RPS6KA3: variants seen among roughly 807,000 people sequenced by gnomAD.
The protein encoded by RPS6KA3 is ribosomal protein S6 kinase A3, also known as ribosomal protein S6 kinase alpha-3.
In RPS6KA3, 4 loss-of-function variants were observed where a neutral mutation model predicts 67.2. That is an observed-to-expected ratio of 0.06 (90% CI 0.03 to 0.14). The LOEUF is 0.14. Ranked by LOEUF, RPS6KA3 falls within the 10% of genes least tolerant of loss-of-function variation. The pLI is 1.00. For missense variants in RPS6KA3, 204 were observed against 559.0 expected (o/e 0.36, Z 6.40); for synonymous variants, 182 against 183.7 (o/e 0.99, Z 0.07).
intron 2 of RPS6KA3, among the ~76,000 whole-genome samples, chrX:20,225,559 A>G (rs1389523067): frequency 1.8e-5 from 2 of 111,457 alleles, no homozygotes; most frequent in African/African-American, 3.3e-5. Flanking sequence ...CAATCAGTCA[A>G]TAAGTGTTAT....
At chrX:20,255,752 C>A (rs1243125350) in intron 1 of RPS6KA3, among the ~76,000 whole-genome samples, 8 of 69,269 alleles carry the variant, frequency 1.2e-4, no homozygotes, top group Non-Finnish European at 2.0e-4. Flanking sequence ...TGCACCACTG[C>A]ATACTCCAGC....
chrX:20,193,734 A>C (rs1267427263), intron 6 of RPS6KA3, 141 bp from the exon 7 acceptor site: 7 of 434,452 alleles, frequency 1.6e-5, no homozygotes, highest in African/African-American at 2.5e-5. Context: ...TTATTCGTGA[A>C]AGGAATAGCA....
intron 9 of RPS6KA3, 41 bp downstream of exon 9, chrX:20,187,787 A>T: frequency 9.7e-7 from 1 of 1,031,013 alleles, no homozygotes; most frequent in Non-Finnish European, 1.4e-6. Context: ...CTCACTTAAC[A>T]ATCTCCTTCC....
rs561346200 is a variant in RPS6KA3 at position 20,254,990 on chromosome X, T to A, written c.69+11574A>T. 5.3e-5 allele frequency among the ~76,000 whole-genome samples: 6 copies of A among 112,237 alleles called. No homozygotes were observed. The Admixed American group carries it at 5.6e-4, about 11-fold the overall frequency. On this transcript the variant is annotated intron_variant, in intron 1 of 21. Coordinates refer to ENST00000379565, the MANE Select transcript of RPS6KA3 (RefSeq NM_004586.3). ...CAGCAATTCTACTCCTAGGTATATA[T>A]CCAAGAAAACTGGAAACATGTGTTC...
At chrX:20,183,317 C>T (rs990976643) in intron 10 of RPS6KA3, among the ~76,000 whole-genome samples, 3 of 110,563 alleles carry the variant, frequency 2.7e-5, no homozygotes, top group African/African-American at 9.9e-5. Flanking sequence ...AAGCGATTCT[C>T]CCACCTCAGC....
chrX:20,250,922 T>G (rs1693349530), intron 1 of RPS6KA3, among the ~76,000 whole-genome samples: 1 of 111,989 alleles, frequency 8.9e-6, no homozygotes, highest in Non-Finnish European at 1.9e-5. Context: ...TATGTAGAAT[T>G]TATGTGATTT....
At chrX:20,188,627 A>T (rs1464261293) in intron 7 of RPS6KA3, 93 bp from the exon 8 acceptor site, 2 of 488,434 alleles carry the variant, frequency 4.1e-6, no homozygotes, top group Non-Finnish European at 7.2e-6. Flanking sequence ...AGATCACCAC[A>T]TTTACTCTAA....
At chrX:20,258,349 TC>T (rs1028357815) in intron 1 of RPS6KA3, among the ~76,000 whole-genome samples, 7 of 112,337 alleles carry the variant, frequency 6.2e-5, no homozygotes, top group Non-Finnish European at 1.3e-4. Flanking sequence ...ATGCCTCTGT[TC>T]CTAAATGTGA....
At chrX:20,198,144 G>A (rs1229713818) in intron 4 of RPS6KA3, among the ~76,000 whole-genome samples, 1 of 111,727 alleles carries the variant, frequency 9.0e-6, no homozygotes, top group Non-Finnish European at 1.9e-5. Context: ...GTTAAACATG[G>A]ATATTTTACT....
intron 3 of RPS6KA3, 105 bp from the exon 4 acceptor site, chrX:20,204,208 A>C: frequency 1.9e-6 from 1 of 513,059 alleles, no homozygotes; most frequent in Non-Finnish European, 3.4e-6. Context: ...ATATAGATTC[A>C]GATATACTGT....
In RPS6KA3 at chrX:20,197,927, T is replaced by C. The variant is rs944208376; in HGVS notation, c.326-2782A>G. ...AGTAGTTATTAGATTTAAGCCCTAC[T>C]TGACTGAACCTGAGAATGAAGAAAT... On this transcript the variant is annotated intron_variant, in intron 4 of 21. Coordinates refer to ENST00000379565, the MANE Select transcript of RPS6KA3 (RefSeq NM_004586.3). Among the ~76,000 whole-genome samples the C allele has an allele frequency of 2.7e-5, 3 of 111,942 alleles. No individual in the cohort carries two copies. In the Admixed American group the frequency reaches 2.9e-4, roughly 11 times the overall value.
intron 20 of RPS6KA3, among the ~76,000 whole-genome samples, chrX:20,158,405 G>GAA (rs1345457184): frequency 3.0e-4 from 30 of 100,447 alleles, no homozygotes; most frequent in Non-Finnish European, 1.0e-4. Context: ...GAGAGAGAGA[G>GAA]AAATGGAGGT....
At chrX:20,263,496 T>C (rs2070290852) in intron 1 of RPS6KA3, among the ~76,000 whole-genome samples, 1 of 112,090 alleles carries the variant, frequency 8.9e-6, no homozygotes, top group Non-Finnish European at 1.9e-5. Context: ...TTTGCTTCTT[T>C]AAACATTTGG....
At chrX:20,204,141 G>A in intron 3 of RPS6KA3, 38 bp from the exon 4 acceptor site, 1 of 886,981 alleles carries the variant, frequency 1.1e-6, no homozygotes, top group South Asian at 2.0e-5. Context: ...TTACAAAGTA[G>A]TATAAACTAT....
chrX:20,203,917 A>G (rs2068509040), intron 4 of RPS6KA3, 105 bp downstream of exon 4: 1 of 614,972 alleles, frequency 1.6e-6, no homozygotes, highest in Non-Finnish European at 2.8e-6. Context: ...GGTAACAGGA[A>G]CCTATTCAGA....
In RPS6KA3 at chrX:20,176,313, C is replaced by T; in HGVS notation, c.1039G>A (p.Ala347Thr). 1 of 1,201,186 alleles carries T rather than the reference C, an allele frequency of 8.3e-7. No homozygotes were observed. Among genetic ancestry groups the T allele is most frequent in the Non-Finnish European group, 1.1e-6 (1 of 886,722 alleles). Residue 347 changes from alanine (A) to threonine (T), a missense_variant, in exon 13 of 22, where the codon GCA becomes ACA. By Grantham distance (58) the Ala-to-Thr change is moderately conservative (BLOSUM62 0). Around this residue, in one of 4 missense-constraint regions of RPS6KA3, gnomAD observed 76 missense variants for 250.3 expected, o/e 0.30. Transcript: ENST00000379565. ...RREIHPPFKP[A>T]TGRPEDTFYF... ...AATGTATCTTCAGGCCTGCCCGTTG[C>T]AGGTTTAAATGGCGGATGAATTTCT...
intron 7 of RPS6KA3, among the ~76,000 whole-genome samples, chrX:20,191,313 T>C (rs1385084048): frequency 1.8e-5 from 2 of 111,864 alleles, no homozygotes; most frequent in Non-Finnish European, 3.8e-5. Context: ...CTATTGTGAA[T>C]AGTGCTGCAA....
intron 10 of RPS6KA3, among the ~76,000 whole-genome samples, chrX:20,183,866 G>A (rs1270134933): frequency 1.8e-5 from 2 of 111,674 alleles, no homozygotes; most frequent in Admixed American, 1.9e-4. Flanking sequence ...TATGGCTACT[G>A]AGCACCTGAA....
At chrX:20,210,057 C>T (rs905360862) in intron 2 of RPS6KA3, among the ~76,000 whole-genome samples, 2 of 111,453 alleles carry the variant, frequency 1.8e-5, no homozygotes, top group Non-Finnish European at 3.8e-5. Context: ...GATAATCAGA[C>T]ATGGAAAAAA....
Sources: gnomAD v4.1 joint callset for allele counts (sites outside exome capture counted in the v4.1 genomes callset) on GRCh38, gnomAD v4.1.1 for gene constraint, gnomAD v4.1.1 regional missense constraint, MANE v1.5 for transcripts, NCBI Gene and HGNC (gene_info 2026-07-23, HGNC 2026-07-21) for gene names.